Variants in EYA4 observed in about 807,000 individuals in gnomAD.
EYA4 encodes protein phosphatase EYA4.
EYA4 carries 31 observed loss-of-function variants against 87.9 expected under a neutral mutation model. The observed-to-expected ratio is 0.35, with a 90% CI of 0.27 to 0.48. The LOEUF (loss-of-function observed/expected upper bound fraction) is 0.48. Among genes scored for constraint, EYA4 ranks in the 20% least tolerant of loss-of-function variants. The probability of loss-of-function intolerance (pLI) is 0.99; values close to 1 mark genes in which losing one functional copy is unlikely to be tolerated. For synonymous variants in EYA4, 263 were observed against 270.6 expected, an observed-to-expected ratio of 0.97 and a Z score of 0.28; for missense variants, 678 against 761.4, an observed-to-expected ratio of 0.89 and a Z score of 1.29.
At chr6:133,402,694 G>C (rs1003330183) in intron 3 of EYA4, among the ~76,000 whole-genome samples, 1 of 151,470 alleles carries the variant, frequency 6.6e-6, no homozygotes, top group Non-Finnish European at 1.5e-5. Context: ...GATTCAGGGA[G>C]CTGTGCAATA....
At chr6:133,342,424 C>A (rs1375112003) in intron 2 of EYA4, among the ~76,000 whole-genome samples, 1 of 148,018 alleles carries the variant, frequency 6.8e-6, no homozygotes, top group Non-Finnish European at 1.5e-5. Context: ...CTGGGTCCAT[C>A]CAAGGGAAGG....
chr6:133,398,979 G>A (rs930741526), intron 3 of EYA4, among the ~76,000 whole-genome samples: 2 of 152,124 alleles, frequency 1.3e-5, no homozygotes, highest in Non-Finnish European at 2.9e-5. Context: ...GTAAGTATAA[G>A]ATACAATGTC....
chr6:133,481,553 G>A lies in EYA4; in HGVS notation c.1061G>A (p.Arg354Lys). The A allele has an allele frequency of 6.2e-7, 1 of 1,614,052 alleles. No individual in the cohort carries two copies. The highest frequency in any genetic ancestry group is 8.5e-7 in the Non-Finnish European group (1 of 1,179,968). The change falls in exon 12 of 20, where the codon AGA (arginine) becomes AAA (lysine). Residue 354 changes from arginine to lysine, a missense_variant. Arg to Lys is a conservative substitution (Grantham distance 26). Transcript: ENST00000355286. ...CRSSGSKSRG[R>K]GRKNNPSPPP... ...AGTTCTGGGTCAAAGTCCAGAGGAA[G>A]AGGCCGGAAAAATAATCCCTCCCCG... is the stretch of plus-strand genomic sequence containing the variant.
intron 3 of EYA4, among the ~76,000 whole-genome samples, chr6:133,386,113 C>G (rs193250637): frequency 6.6e-6 from 1 of 152,020 alleles, no homozygotes; most frequent in East Asian, 1.9e-4. Context: ...CTAATGTTAA[C>G]CATAAAATGA....
intron 13 of EYA4, among the ~76,000 whole-genome samples, chr6:133,490,570 AAAAGT>A (rs1797062210): frequency 6.6e-6 from 1 of 152,066 alleles, no homozygotes; most frequent in Admixed American, 6.6e-5. Flanking sequence ...TTTCAACACA[AAAAGT>A]AAAACAAAAA....
chr6:133,249,905 A>T (rs1233752324), intron 1 of EYA4, among the ~76,000 whole-genome samples: 2 of 152,230 alleles, frequency 1.3e-5, no homozygotes, highest in African/African-American at 2.4e-5. Flanking sequence ...TAAGCTGAGA[A>T]TTTACTGGAA....
At chr6:133,399,280 C>CACA (rs904610541) in intron 3 of EYA4, among the ~76,000 whole-genome samples, 4 of 152,056 alleles carry the variant, frequency 2.6e-5, no homozygotes, top group Non-Finnish European at 5.9e-5. Flanking sequence ...CCTAATGAAG[C>CACA]ACAAGTGAAC....
intron 3 of EYA4, 64 bp downstream of exon 3, chr6:133,382,505 T>A: frequency 9.6e-7 from 1 of 1,040,216 alleles, no homozygotes; most frequent in Non-Finnish European, 1.5e-6. Flanking sequence ...ACTAGTAAGA[T>A]GTTATACCTG....
rs145393401 is a variant in EYA4 at position 133,345,976 on chromosome 6, T to A, written c.34-36416T>A. Among the ~76,000 whole-genome samples the A allele has an allele frequency of 7.8e-3, 1,184 of 152,232 alleles. 20 individuals are homozygous for A. Among genetic ancestry groups the A allele is most frequent in the African/African-American group, 0.027 (1,129 of 41,524 alleles). On this transcript the variant is annotated intron_variant, in intron 2 of 19. Transcript: ENST00000355286. ...GTGGAAGACTTGATCGTGGGCAGAC[T>A]AGCAATTAAAGATCATGAAAGTCTA...
intron 14 of EYA4, among the ~76,000 whole-genome samples, chr6:133,511,975 C>CAT (rs1460454337): frequency 3.5e-4 from 48 of 138,222 alleles, no homozygotes; most frequent in African/African-American, 1.4e-3. Flanking sequence ...AGTGAGATTC[C>CAT]ATATAAAAAA....
intron 2 of EYA4, among the ~76,000 whole-genome samples, chr6:133,351,402 T>C (rs1355005422): frequency 1.3e-5 from 2 of 152,202 alleles, no homozygotes. Context: ...CAGTTCAGTC[T>C]TTAGCAACTA....
chr6:133,487,121 A>G lies in EYA4; in HGVS notation c.1191+4006A>G, dbSNP rs1281304647. ...CAGTGAGTGTAGGTTTTTGCATTGGAACTCAGTGACCTTTCACAGCAGAAA... is the reference window on the plus strand; with the variant it reads ...CAGTGAGTGTAGGTTTTTGCATTGGGACTCAGTGACCTTTCACAGCAGAAA... On this transcript the variant is annotated intron_variant, in intron 13 of 19. Coordinates refer to ENST00000355286, the MANE Select transcript of EYA4 (RefSeq NM_004100.5). Among the ~76,000 whole-genome samples the G allele has an allele frequency of 3.9e-5, 6 of 152,272 alleles. No homozygotes were observed. In the East Asian group the frequency reaches 9.7e-4, roughly 25 times the overall value.
chr6:133,419,421 G>A (rs1010827161), intron 3 of EYA4, among the ~76,000 whole-genome samples: 2 of 152,008 alleles, frequency 1.3e-5, no homozygotes, highest in East Asian at 3.9e-4. Context: ...TCTGTTTGTC[G>A]TCACTAGGCC....
At position 133,529,413 on chromosome 6, in the gene EYA4, CTTT is replaced by C; in HGVS notation, c.*612_*614del. On this transcript the variant is annotated 3_prime_UTR_variant, in exon 20 of 20. Transcript: ENST00000355286. ...GGGAAATGGGAATATAATATTGTCT[CTTT>C]TTTAAGTTTGGCAAACAGAATGTTC... The C allele has an allele frequency of 1.0e-6, 1 of 989,708 alleles. No individual in the cohort carries two copies. Among genetic ancestry groups the C allele is most frequent in the Non-Finnish European group, 1.2e-6 (1 of 832,502 alleles). 61.3% of individuals were successfully genotyped at this position (989,708 alleles called of 1,614,324 possible). A position where few individuals can be genotyped will look rare whatever the true frequency, so the allele number is the denominator to read the frequency against.
intron 2 of EYA4, among the ~76,000 whole-genome samples, chr6:133,304,812 G>A (rs1779681418): frequency 1.4e-5 from 1 of 73,996 alleles, no homozygotes; most frequent in Non-Finnish European, 2.7e-5. Flanking sequence ...CATGTTCCAG[G>A]ACTCTAGGCC....
chr6:133,521,356 A>G lies in EYA4; in HGVS notation c.1617-1700A>G, dbSNP rs1445346869. 2.0e-5 allele frequency among the ~76,000 whole-genome samples: 3 copies of G among 147,620 alleles called. No homozygotes were observed. The East Asian group carries it at 6.1e-4, about 30-fold the overall frequency. Reference sequence around the variant, plus strand: ...AGACATTTATGCAGCCAAAAAACACATGAAAAAATGCTCATCATCACTGGC... The same window carrying G: ...AGACATTTATGCAGCCAAAAAACACGTGAAAAAATGCTCATCATCACTGGC... On this transcript the variant is annotated intron_variant, in intron 17 of 19. Coordinates refer to ENST00000355286, the MANE Select transcript of EYA4 (RefSeq NM_004100.5).
chr6:133,428,911 CT>C (rs58727159), intron 3 of EYA4, among the ~76,000 whole-genome samples: 796 of 47,780 alleles, frequency 0.017, no homozygotes, highest in Middle Eastern at 0.05. Context: ...GATTTAGCTT[CT>C]TTTTTTTTTT....
intron 6 of EYA4, among the ~76,000 whole-genome samples, chr6:133,460,151 A>G (rs1380693955): frequency 6.6e-6 from 1 of 152,132 alleles, no homozygotes; most frequent in Admixed American, 6.6e-5. Flanking sequence ...AGTACTTTGA[A>G]GTATAACTAT....
intron 2 of EYA4, among the ~76,000 whole-genome samples, chr6:133,326,123 A>G (rs1781481103): frequency 6.6e-6 from 1 of 151,972 alleles, no homozygotes; most frequent in Non-Finnish European, 1.5e-5. Flanking sequence ...CCTGTTCCTC[A>G]CATATGGAGG....
Sources: allele counts gnomAD v4.1 joint callset (sites outside exome capture counted in the v4.1 genomes callset), GRCh38; gene constraint gnomAD v4.1.1; transcripts MANE v1.5; gene names NCBI Gene and HGNC (gene_info 2026-07-23, HGNC 2026-07-21).